ZBTB41: variants seen among roughly 807,000 people sequenced by gnomAD.
ZBTB41 encodes the protein zinc finger and BTB domain-containing protein 41.
ZBTB41 carries 42 observed loss-of-function variants against 87.6 expected under a neutral mutation model. That is an observed-to-expected ratio of 0.48 (90% CI 0.37 to 0.62). The LOEUF is 0.62. Ranked by LOEUF, ZBTB41 falls within the 20% of genes least tolerant of loss-of-function variation. The probability of loss-of-function intolerance (pLI) is 0.00; values close to 1 mark genes in which losing one functional copy is unlikely to be tolerated. For missense variants in ZBTB41, 799 were observed against 1,078.9 expected (o/e 0.74, Z 3.63); for synonymous variants, 364 against 364.0 (o/e 1.00, Z 0.00).
rs748579740 is a variant in ZBTB41, at chr1:197,188,410, T to C, written c.1428A>G (p.Pro476=). 6.2e-6 allele frequency: 10 copies of C among 1,610,714 alleles called. No homozygotes were observed. The highest frequency in any genetic ancestry group is 1.7e-5 in the Admixed American group (1 of 59,072). The change falls in exon 5 of 11, where the codon CCA becomes CCG. Residue 476 remains proline, a synonymous_variant. Transcript: ENST00000367405. ...GTAGAATCATATGTTCCTCCAAGTG[T>C]GGTCTTCGAGTAAAAGATTTCTTAC... ...DICKKSFTRR[P]HLEEHMILHS...
chr1:197,187,563 T>C (rs1343218269), intron 5 of ZBTB41, among the ~76,000 whole-genome samples: 1 of 152,224 alleles, frequency 6.6e-6, no homozygotes, highest in Non-Finnish European at 1.5e-5. Context: ...TATTTTAAAA[T>C]GTGTATTATT....
At chr1:197,183,651 CA>C (rs1261799677) in intron 5 of ZBTB41, among the ~76,000 whole-genome samples, 3 of 152,170 alleles carry the variant, frequency 2.0e-5, no homozygotes, top group Admixed American at 2.0e-4. Context: ...ATAGTATCCC[CA>C]GATCCTAACA....
intron 10 of ZBTB41, among the ~76,000 whole-genome samples, chr1:197,165,478 C>T (rs1659315908): frequency 6.6e-6 from 1 of 151,812 alleles, no homozygotes; most frequent in African/African-American, 2.4e-5. Flanking sequence ...GGCATGGTGG[C>T]AGGCGCCTGT....
chr1:197,185,504 A>G (rs1348551139), intron 5 of ZBTB41, among the ~76,000 whole-genome samples: 1 of 152,088 alleles, frequency 6.6e-6, no homozygotes, highest in African/African-American at 2.4e-5. Context: ...TTTCCAAAAC[A>G]AGAATGTCTC....
chr1:197,182,104 C>T (rs1423877741), intron 5 of ZBTB41, among the ~76,000 whole-genome samples: 2 of 150,928 alleles, frequency 1.3e-5, no homozygotes, highest in African/African-American at 4.9e-5. Flanking sequence ...ATTGAGAAAA[C>T]GAAAGTCAGT....
chr1:197,195,390 G>C (rs537363955), intron 2 of ZBTB41, among the ~76,000 whole-genome samples: 37 of 152,242 alleles, frequency 2.4e-4, no homozygotes, highest in African/African-American at 7.9e-4. Context: ...GTTAGATTTT[G>C]TATGCAGTTT....
In ZBTB41 at chr1:197,156,655, T is replaced by C. The variant is rs1160030522; in HGVS notation, c.*2704A>G. 1 of 152,286 alleles carries C rather than the reference T, an allele frequency of 6.6e-6. No individual in the cohort carries two copies. The highest frequency in any genetic ancestry group is 1.9e-4 in the East Asian group (1 of 5,190). The allele number at this position is 152,286 out of a possible 1,614,324, so 9.4% of individuals were successfully genotyped here. Reference sequence around the variant, plus strand: ...GTCAAAAGCCTATATACATTCAGTTTGCCCAAATCCATGAGGTTTTCACAA... The same window carrying C: ...GTCAAAAGCCTATATACATTCAGTTCGCCCAAATCCATGAGGTTTTCACAA... On this transcript the variant is annotated 3_prime_UTR_variant, in exon 11 of 11. Coordinates refer to ENST00000367405, the MANE Select transcript of ZBTB41 (RefSeq NM_194314.3).
intron 2 of ZBTB41, among the ~76,000 whole-genome samples, chr1:197,198,489 T>A (rs1416461251): frequency 6.6e-6 from 1 of 151,256 alleles, no homozygotes; most frequent in East Asian, 1.9e-4. Flanking sequence ...ATTGCAGTAA[T>A]TTTTTTTTAT....
chr1:197,189,869 T>G lies in ZBTB41; in HGVS notation c.1398+893A>C, dbSNP rs551999583. Among the ~76,000 whole-genome samples, 51 of 152,274 alleles carry G rather than the reference T, an allele frequency of 3.3e-4. No individual in the cohort carries two copies. In the Middle Eastern group the frequency reaches 0.014, roughly 41 times the overall value. On this transcript the variant is annotated intron_variant, in intron 4 of 10. Coordinates refer to ENST00000367405, the MANE Select transcript of ZBTB41 (RefSeq NM_194314.3). The stretch of plus-strand genomic sequence containing the variant: ...ACTAAGGTTCCTGGTAAACAGTCCT[T>G]GCTGAGATTCTCGCCAAGAACAAAC...
Position 197,200,042 on chromosome 1 carries a change from G to A in ZBTB41, c.432C>T (p.Tyr144=). The A allele has an allele frequency of 6.2e-7, 1 of 1,612,942 alleles. No homozygotes were observed. The highest frequency in any genetic ancestry group is 8.5e-7 in the Non-Finnish European group (1 of 1,179,762). ...SVFQHLLEFL[Y]TSEFFVYKYE... is the part of the protein sequence containing the mutation. ...ATTTGTACACAAAAAATTCTGATGT[G>A]TAAAGAAATTCAAGCAAATGCTGAA... Residue 144 remains tyrosine, a synonymous_variant, in exon 2 of 11, where the codon TAC becomes TAT. Transcript: ENST00000367405.
At chr1:197,197,122 C>T (rs1660183063) in intron 2 of ZBTB41, among the ~76,000 whole-genome samples, 1 of 151,822 alleles carries the variant, frequency 6.6e-6, no homozygotes, top group Non-Finnish European at 1.5e-5. Flanking sequence ...CCTAGAATTA[C>T]CCCATTTAAT....
At position 197,157,909 on chromosome 1, in the gene ZBTB41, CACA is replaced by C. The variant is rs1659108862; in HGVS notation, c.*1447_*1449del. 2.6e-5 allele frequency: 1 copy of C among 38,910 alleles called. No homozygotes were observed. The highest frequency in any genetic ancestry group is 5.1e-5 in the African/African-American group (1 of 19,468). 2.4% of individuals were successfully genotyped at this position (38,910 alleles called of 1,614,324 possible). A position where few individuals can be genotyped will look rare whatever the true frequency, so the allele number is the denominator to read the frequency against. On this transcript the variant is annotated 3_prime_UTR_variant, in exon 11 of 11. Transcript: ENST00000367405. Reference sequence around the variant, plus strand: ...TGGGCTAGACTTTACAGTTTACACACACAAAAAAAGTGCTTAAAGCAATTAGGA... The same window carrying C: ...TGGGCTAGACTTTACAGTTTACACACAAAAAAGTGCTTAAAGCAATTAGGA...
rs1314886803 is a variant in ZBTB41, at chr1:197,191,701, T to C, written c.1319A>G (p.His440Arg). The C allele has an allele frequency of 6.2e-7, 1 of 1,611,882 alleles. No homozygotes were observed. Among genetic ancestry groups the C allele is most frequent in the Non-Finnish European group, 8.5e-7 (1 of 1,179,092 alleles). ...LHASKKTLAK[H>R]VKRFHPENAQ... ...GCAAGATAATACTTGCCTCTTAACA[T>C]GCTTGGCTAAAGTCTTCTTGCTTGC... The change falls in exon 3 of 11, where the codon CAT becomes CGT. Residue 440 changes from histidine (H) to arginine (R), a missense_variant. Around this residue, in one of 5 missense-constraint regions of ZBTB41, gnomAD observed 294 missense variants for 340.1 expected, o/e 0.86. Coordinates refer to ENST00000367405, the MANE Select transcript of ZBTB41 (RefSeq NM_194314.3).
At chr1:197,180,696 C>A (rs1659723609) in intron 6 of ZBTB41, among the ~76,000 whole-genome samples, 1 of 148,646 alleles carries the variant, frequency 6.7e-6, no homozygotes, top group Non-Finnish European at 1.5e-5. Flanking sequence ...TTCTCCCTAT[C>A]TTTGTAGCTT....
chr1:197,171,200 GAT>G (rs1292114852), intron 10 of ZBTB41, among the ~76,000 whole-genome samples: 1 of 152,044 alleles, frequency 6.6e-6, no homozygotes, highest in African/African-American at 2.4e-5. Context: ...ATTTACAAAA[GAT>G]ATGGAAGATA....
chr1:197,192,176 C>T (rs1173904275), intron 2 of ZBTB41, among the ~76,000 whole-genome samples: 1 of 151,900 alleles, frequency 6.6e-6, no homozygotes, highest in Non-Finnish European at 1.5e-5. Context: ...AGGTTTGATA[C>T]ATTTTCTGAA....
chr1:197,159,630 G>A lies in ZBTB41; in HGVS notation c.2459C>T (p.Thr820Ile). The A allele has an allele frequency of 1.9e-6, 3 of 1,614,028 alleles. No individual in the cohort carries two copies. Among genetic ancestry groups the A allele is most frequent in the Non-Finnish European group, 2.5e-6 (3 of 1,179,922 alleles). The part of the protein sequence containing the change: ...VTLVPVQMPD[T>I]PSDLVRHTTT... ...AGTATGACGCACTAGGTCACTCGGA[G>A]TGTCAGGCATCTGAACTGGAACCAG... Residue 820 changes from threonine (T) to isoleucine (I), a missense_variant, in exon 11 of 11, where the codon ACT (threonine) becomes ATT (isoleucine). Physicochemically the swap from Thr to Ile is moderately conservative, Grantham distance 89 (BLOSUM62 -1). Transcript: ENST00000367405.
chr1:197,173,793 G>C (rs915939673), intron 9 of ZBTB41, among the ~76,000 whole-genome samples: 1 of 152,070 alleles, frequency 6.6e-6, no homozygotes. Context: ...GTCACCATGG[G>C]CACATAGAGA....
chr1:197,198,872 C>T (rs989847535), intron 2 of ZBTB41, among the ~76,000 whole-genome samples: 1 of 152,040 alleles, frequency 6.6e-6, no homozygotes. Flanking sequence ...TATCCTTCAC[C>T]ATAGTTTAAT....
Sources: allele counts gnomAD v4.1 joint callset (sites outside exome capture counted in the v4.1 genomes callset), GRCh38; gene constraint gnomAD v4.1.1; regional missense constraint gnomAD v4.1.1; transcripts MANE v1.5; gene names NCBI Gene and HGNC (gene_info 2026-07-23, HGNC 2026-07-21).